FBN2: variants seen among roughly 807,000 people sequenced by gnomAD.
FBN2 encodes fibrillin-2.
FBN2 carries 105 observed loss-of-function variants against 355.6 expected under a neutral mutation model. That is an observed-to-expected ratio of 0.30 (90% CI 0.25 to 0.35). FBN2 has a LOEUF of 0.35. Ranked by LOEUF, FBN2 falls within the 10% of genes least tolerant of loss-of-function variation. FBN2 has a pLI of 1.00. For missense variants in FBN2, 3,280 were observed against 3,758.7 expected (o/e 0.87, Z 3.33); for synonymous variants, 1,350 against 1,301.2 (o/e 1.04, Z -0.81).
At chr5:128,358,195 T>C (rs1751552530) in intron 19 of FBN2, among the ~76,000 whole-genome samples, 1 of 151,928 alleles carries the variant, frequency 6.6e-6, no homozygotes, top group African/African-American at 2.4e-5. Flanking sequence ...AACACATGAG[T>C]TAATGAAAAA....
chr5:128,322,743 G>A (rs924475702), intron 34 of FBN2, among the ~76,000 whole-genome samples: 1 of 152,072 alleles, frequency 6.6e-6, no homozygotes, highest in Non-Finnish European at 1.5e-5. Context: ...TGTTCTTTTT[G>A]CTTAGGATTA....
chr5:128,459,165 C>T (rs1754489181), intron 6 of FBN2, among the ~76,000 whole-genome samples: 1 of 152,074 alleles, frequency 6.6e-6, no homozygotes, highest in Non-Finnish European at 1.5e-5. Flanking sequence ...TCAGAGAATA[C>T]TATAAACACC....
At chr5:128,313,167 C>A (rs538313802) in intron 36 of FBN2, among the ~76,000 whole-genome samples, 1 of 152,292 alleles carries the variant, frequency 6.6e-6, no homozygotes, top group East Asian at 1.9e-4. Flanking sequence ...TTTCAACTTG[C>A]ATAGCTAACT....
At chr5:128,418,870 A>G (rs1230129427) in intron 7 of FBN2, among the ~76,000 whole-genome samples, 1 of 152,128 alleles carries the variant, frequency 6.6e-6, no homozygotes, top group Admixed American at 6.5e-5. Context: ...TTAGTTCTTC[A>G]ATTTCTGCAA....
In FBN2 at chr5:128,291,427, A is replaced by T. The variant is rs10036747; in HGVS notation, c.6292+102T>A. 8.5e-3 allele frequency: 11,098 copies of T among 1,308,624 alleles called. 754 individuals are homozygous for T. The African/African-American group carries it at 0.14, about 16-fold the overall frequency. 81.1% of individuals were successfully genotyped at this position (1,308,624 alleles called of 1,614,324 possible). On this transcript the variant is annotated intron_variant, in intron 49 of 64. Coordinates refer to ENST00000262464, the MANE Select transcript of FBN2 (RefSeq NM_001999.4). Reference sequence around the variant, plus strand: ...TTAACTTGCAGATGTATTTTAGCATAGACATGTATTTTGTTAGGACTAATA... The same window carrying T: ...TTAACTTGCAGATGTATTTTAGCATTGACATGTATTTTGTTAGGACTAATA...
chr5:128,456,825 G>A (rs936430459), intron 6 of FBN2, among the ~76,000 whole-genome samples: 4 of 151,952 alleles, frequency 2.6e-5, no homozygotes. Context: ...ACAGAAACTA[G>A]ACAAACACAC....
chr5:128,298,281 A>T (rs1246229435), intron 48 of FBN2, among the ~76,000 whole-genome samples: 4 of 149,984 alleles, frequency 2.7e-5, no homozygotes, highest in Non-Finnish European at 6.0e-5. Context: ...TTTTTCCTTC[A>T]TTTCAACTTT....
At chr5:128,301,561 T>G (rs765587421) in intron 46 of FBN2, 51 bp from the exon 47 acceptor site, 1 of 1,573,624 alleles carries the variant, frequency 6.4e-7, no homozygotes, top group South Asian at 1.1e-5. Flanking sequence ...AACATGTATA[T>G]TGTTTCACAA....
chr5:128,435,355 T>G (rs541439923), intron 7 of FBN2, among the ~76,000 whole-genome samples: 1 of 152,330 alleles, frequency 6.6e-6, no homozygotes, highest in South Asian at 2.1e-4. Context: ...AACTGTGTTA[T>G]TTTCAAGATT....
At chr5:128,490,133 T>G (rs750472288) in intron 5 of FBN2, among the ~76,000 whole-genome samples, 91 of 152,196 alleles carry the variant, frequency 6.0e-4, no homozygotes, top group Non-Finnish European at 1.0e-3. Flanking sequence ...CCACACATTA[T>G]ACAACAAGCA....
intron 5 of FBN2, among the ~76,000 whole-genome samples, chr5:128,508,107 A>G (rs994833386): frequency 1.3e-5 from 2 of 152,060 alleles, no homozygotes; most frequent in African/African-American, 4.8e-5. Flanking sequence ...TTTGATTACT[A>G]TTAGCCAATT....
At chr5:128,408,850 G>A (rs1291197437) in intron 7 of FBN2, 51 bp from the exon 8 acceptor site, 2 of 1,607,212 alleles carry the variant, frequency 1.2e-6, no homozygotes, top group East Asian at 2.2e-5. Context: ...TCATTAAATA[G>A]CTTTTAAAAG....
Position 128,389,729 on chromosome 5 carries a change from G to A in FBN2, c.1603+2289C>T, listed in dbSNP as rs754265989. Among the ~76,000 whole-genome samples the A allele has an allele frequency of 5.9e-5, 9 of 152,290 alleles. No individual in the cohort carries two copies. The South Asian group carries it at 8.3e-4, about 14-fold the overall frequency. ...CATGGAGGTTGTAAGATCTTCTGCAGGTAGGATTCCAGAGACCCCTGCAAA... is the reference window on the plus strand; with the variant it reads ...CATGGAGGTTGTAAGATCTTCTGCAAGTAGGATTCCAGAGACCCCTGCAAA... On this transcript the variant is annotated intron_variant, in intron 11 of 64. Coordinates refer to ENST00000262464, the MANE Select transcript of FBN2 (RefSeq NM_001999.4).
rs892979539 is a variant in FBN2, at chr5:128,260,193, AT to A, written c.8365-365del. On this transcript the variant is annotated intron_variant, in intron 64 of 64. Transcript: ENST00000262464. ...TTTAAAAACTAAAATTTAGGTAATG[AT>A]TTTTTTTTTTCTGGAGTCAAAATAA... is the stretch of plus-strand genomic sequence containing the variant. 2.6e-3 allele frequency among the ~76,000 whole-genome samples: 390 copies of A among 148,520 alleles called. 2 individuals carry two copies. Among genetic ancestry groups the A allele is most frequent in the Middle Eastern group, 0.021 (6 of 282 alleles).
At chr5:128,373,687 T>A (rs1752006901) in intron 15 of FBN2, among the ~76,000 whole-genome samples, 1 of 152,190 alleles carries the variant, frequency 6.6e-6, no homozygotes, top group Admixed American at 6.5e-5. Context: ...ATTAAATGTA[T>A]TTTTACCACT....
intron 7 of FBN2, among the ~76,000 whole-genome samples, chr5:128,427,017 A>T (rs1203371018): frequency 1.3e-5 from 2 of 152,154 alleles, no homozygotes; most frequent in Non-Finnish European, 2.9e-5. Flanking sequence ...TAAGTTGAAG[A>T]CTTCCAAATT....
chr5:128,355,947 G>A (rs1305225234), intron 20 of FBN2, among the ~76,000 whole-genome samples: 1 of 152,172 alleles, frequency 6.6e-6, no homozygotes, highest in South Asian at 2.1e-4. Context: ...CCAAAATAAT[G>A]GAAGTCTACA....
rs10038028 is a variant in FBN2 at position 128,272,242 on chromosome 5, T to C, written c.7841-124A>G. 0.1 allele frequency: 111,985 copies of C among 1,084,334 alleles called. 6,659 individuals are homozygous for C. The highest frequency in any genetic ancestry group is 0.12 in the Non-Finnish European group (87,437 of 728,560). The allele number at this position is 1,084,334 out of a possible 1,614,324, so 67.2% of individuals were successfully genotyped here. ...AAACAAACAAACAAGACATGACACATAGAGAGGCTGTCATTTTTCCAGGTC... is the reference window on the plus strand; with the variant it reads ...AAACAAACAAACAAGACATGACACACAGAGAGGCTGTCATTTTTCCAGGTC... On this transcript the variant is annotated intron_variant, in intron 61 of 64. Transcript: ENST00000262464.
chr5:128,490,155 T>C (rs1755462336), intron 5 of FBN2, among the ~76,000 whole-genome samples: 1 of 152,208 alleles, frequency 6.6e-6, no homozygotes, highest in African/African-American at 2.4e-5. Flanking sequence ...GTATTATTCT[T>C]ATAATCAGAA....
Sources: allele counts gnomAD v4.1 joint callset (sites outside exome capture counted in the v4.1 genomes callset), GRCh38; gene constraint gnomAD v4.1.1; transcripts MANE v1.5; gene names NCBI Gene and HGNC (gene_info 2026-07-23, HGNC 2026-07-21).